The following SAMMSON variants were observed in gnomAD, a reference collection of about 807,000 sequenced individuals.
SAMMSON encodes survival associated mitochondrial melanoma specific oncogenic non-coding RNA.
intron 7 of SAMMSON, among the ~76,000 whole-genome samples, chr3:70,327,065 C>T (rs1318435639): frequency 6.6e-6 from 1 of 152,118 alleles, no homozygotes; most frequent in African/African-American, 2.4e-5. Context: ...GCCATGTTGA[C>T]CAGGCTGGTC....
intron 4 of SAMMSON, among the ~76,000 whole-genome samples, chr3:70,230,347 T>A (rs1575602366): frequency 6.6e-6 from 1 of 152,174 alleles, no homozygotes; most frequent in Non-Finnish European, 1.5e-5. Flanking sequence ...TGCATAGCAA[T>A]AGAAATTTTT....
At chr3:70,045,906 T>A (rs2067124853) in intron 3 of SAMMSON, among the ~76,000 whole-genome samples, 2 of 152,160 alleles carry the variant, frequency 1.3e-5, no homozygotes, top group Admixed American at 6.6e-5. Context: ...TAACTAAAGA[T>A]AACTTCACAA....
rs34272654 is a variant in SAMMSON at position 70,126,255 on chromosome 3, C to CTTT, written n.507+54703_507+54705dup. Reference sequence around the variant, plus strand: ...ATCGTCTTCAACAGGGTCATCAGACCTTTTTTTTTTTTTTTCAGAGACTGG... The same window carrying CTTT: ...ATCGTCTTCAACAGGGTCATCAGACCTTTTTTTTTTTTTTTTTTCAGAGACTGG... On this transcript the variant is annotated intron_variant and non_coding_transcript_variant, in intron 4 of 9. Coordinates refer to ENST00000642114, the Ensembl canonical transcript of SAMMSON. The CTTT allele has an allele frequency of 2.1e-4, 180 of 850,954 alleles. 7 individuals carry two copies. The highest frequency in any genetic ancestry group is 3.6e-4 in the South Asian group (22 of 61,634). The allele number at this position is 850,954 out of a possible 1,614,324, so 52.7% of individuals were successfully genotyped here. A position where few individuals can be genotyped will look rare whatever the true frequency, so the allele number is the denominator to read the frequency against.
chr3:70,399,774 C>T (rs1559581054), intron 2 of SAMMSON, among the ~76,000 whole-genome samples: 1 of 150,160 alleles, frequency 6.7e-6, no homozygotes, highest in Non-Finnish European at 1.5e-5. Context: ...ACTCGGGAGG[C>T]AGCGGCAGGA....
intron 6 of SAMMSON, among the ~76,000 whole-genome samples, chr3:70,250,421 A>G (rs1351732698): frequency 4.0e-5 from 2 of 49,954 alleles, no homozygotes; most frequent in Non-Finnish European, 1.5e-4. Flanking sequence ...TCACACACAC[A>G]CACACACACA....
intron 4 of SAMMSON, among the ~76,000 whole-genome samples, chr3:70,239,204 G>T (rs1701641292): frequency 6.6e-6 from 1 of 152,152 alleles, no homozygotes; most frequent in Admixed American, 6.6e-5. Flanking sequence ...TACGTACTCA[G>T]TTCAACTATG....
chr3:70,131,444 A>C (rs1295188710), intron 4 of SAMMSON, among the ~76,000 whole-genome samples: 1 of 152,202 alleles, frequency 6.6e-6, no homozygotes, highest in Non-Finnish European at 1.5e-5. Context: ...CTAGACTATG[A>C]AATGAACATG....
chr3:70,309,290 A>T (rs946445949), intron 7 of SAMMSON, among the ~76,000 whole-genome samples: 5 of 152,188 alleles, frequency 3.3e-5, no homozygotes, highest in African/African-American at 7.2e-5. Flanking sequence ...TGGGGACAGT[A>T]CCACTGCATA....
chr3:70,194,375 TA>T (rs1701155410), intron 4 of SAMMSON, among the ~76,000 whole-genome samples: 1 of 152,216 alleles, frequency 6.6e-6, no homozygotes, highest in Non-Finnish European at 1.5e-5. Context: ...TATTTGTATT[TA>T]ATCAATAACC....
intron 3 of SAMMSON, among the ~76,000 whole-genome samples, chr3:70,033,992 A>C (rs1367659406): frequency 6.6e-6 from 1 of 152,134 alleles, no homozygotes; most frequent in Non-Finnish European, 1.5e-5. Context: ...TCCCAGTAAG[A>C]TTAAATGGAC....
chr3:70,254,079 T>C, intron 6 of SAMMSON, among the ~76,000 whole-genome samples: 1 of 152,290 alleles, frequency 6.6e-6, no homozygotes, highest in East Asian at 1.9e-4. Context: ...GGCATATTTA[T>C]ATTTTTAATA....
At chr3:70,408,823 C>T (rs1011738615) in intron 2 of SAMMSON, among the ~76,000 whole-genome samples, 4 of 152,120 alleles carry the variant, frequency 2.6e-5, no homozygotes, top group Non-Finnish European at 5.9e-5. Flanking sequence ...TACCAATTTA[C>T]TATATTTATC....
intron 4 of SAMMSON, among the ~76,000 whole-genome samples, chr3:70,118,123 C>A (rs2067419015): frequency 1.3e-5 from 2 of 152,004 alleles, no homozygotes; most frequent in African/African-American, 4.8e-5. Flanking sequence ...GGGTTTTTAC[C>A]ATGTTAGCCA....
At chr3:70,018,915 G>A (rs1335959036) in intron 3 of SAMMSON, among the ~76,000 whole-genome samples, 1 of 152,246 alleles carries the variant, frequency 6.6e-6, no homozygotes, top group East Asian at 1.9e-4. Context: ...TTAATCCTGA[G>A]TTCTAGTTTG....
At chr3:70,163,332 A>G (rs561265112) in intron 4 of SAMMSON, among the ~76,000 whole-genome samples, 2 of 140,450 alleles carry the variant, frequency 1.4e-5, no homozygotes, top group African/African-American at 2.6e-5. Flanking sequence ...TTATCTATCC[A>G]TCTATATAGA....
intron 2 of SAMMSON, among the ~76,000 whole-genome samples, chr3:70,407,427 TC>T (rs1701185433): frequency 6.6e-6 from 1 of 152,200 alleles, no homozygotes; most frequent in South Asian, 2.1e-4. Context: ...GCTGGTTACT[TC>T]CTAGATACAA....
At chr3:70,113,710 C>G (rs1483525984) in intron 4 of SAMMSON, among the ~76,000 whole-genome samples, 1 of 152,146 alleles carries the variant, frequency 6.6e-6, no homozygotes, top group Non-Finnish European at 1.5e-5. Flanking sequence ...ACCACCGCCC[C>G]AAACTCATGT....
At chr3:70,433,070 A>T (rs1476476001) in intron 2 of SAMMSON, among the ~76,000 whole-genome samples, 3 of 152,072 alleles carry the variant, frequency 2.0e-5, no homozygotes, top group African/African-American at 7.2e-5. Flanking sequence ...CCATTCATCT[A>T]TTGAAGGATA....
intron 3 of SAMMSON, among the ~76,000 whole-genome samples, chr3:70,021,453 C>T (rs1371959836): frequency 6.6e-6 from 1 of 152,110 alleles, no homozygotes; most frequent in Non-Finnish European, 1.5e-5. Context: ...TAAAATAAAA[C>T]ATCTGTGGCA....
Sources: gnomAD v4.1 joint callset for allele counts (sites outside exome capture counted in the v4.1 genomes callset) on GRCh38, gnomAD v4.1.1 for gene constraint, MANE v1.5 for transcripts, NCBI Gene and HGNC (gene_info 2026-07-23, HGNC 2026-07-21) for gene names.